SH3GL1: variants seen among roughly 807,000 people sequenced by gnomAD.
The protein encoded by SH3GL1 is SH3 domain containing GRB2 like 1, endophilin A2.
SH3GL1 carries 21 observed loss-of-function variants against 48.8 expected under a neutral mutation model. That is an observed-to-expected ratio of 0.43 (90% confidence interval 0.30 to 0.62). SH3GL1 has a LOEUF of 0.62. Ranked by LOEUF, SH3GL1 falls within the 20% of genes least tolerant of loss-of-function variation. The pLI is 0.11. For synonymous variants in SH3GL1, 282 were observed against 217.5 expected (o/e 1.30, Z -2.61); for missense variants, 454 against 503.0 (o/e 0.90, Z 0.93).
intron 1 of SH3GL1, among the ~76,000 whole-genome samples, chr19:4,392,031 C>A (rs796483714): frequency 4.6e-5 from 7 of 152,340 alleles, no homozygotes; most frequent in African/African-American, 1.7e-4. Flanking sequence ...CTGTTGCCAA[C>A]ACCTCCCCGA....
chr19:4,391,525 T>C (rs1287392400), intron 1 of SH3GL1, among the ~76,000 whole-genome samples: 1 of 152,182 alleles, frequency 6.6e-6, no homozygotes, highest in Non-Finnish European at 1.5e-5. Flanking sequence ...GGACCTACTG[T>C]ACAGCAGTCA....
At chr19:4,370,250 T>TGGTCCCAGCAGTCCATTCCTGCC (rs1473272756) in intron 1 of SH3GL1, among the ~76,000 whole-genome samples, 1 of 152,172 alleles carries the variant, frequency 6.6e-6, no homozygotes, top group Non-Finnish European at 1.5e-5. Context: ...ACTGAGGCCA[T>TGGTCCCAGCAGTCCATTCCTGCC]GGTCCCAGCA....
At chr19:4,392,294 G>C (rs1156705120) in intron 1 of SH3GL1, among the ~76,000 whole-genome samples, 1 of 151,702 alleles carries the variant, frequency 6.6e-6, no homozygotes, top group African/African-American at 2.4e-5. Flanking sequence ...TGGGAGGCAA[G>C]GCAGGGAGAT....
At chr19:4,378,584 G>A (rs537915872) in intron 1 of SH3GL1, among the ~76,000 whole-genome samples, 3 of 152,198 alleles carry the variant, frequency 2.0e-5, no homozygotes, top group Non-Finnish European at 2.9e-5. Flanking sequence ...GCATGGTGGT[G>A]CATGCCTGTA....
At chr19:4,369,118 C>T (rs930517380) in intron 1 of SH3GL1, among the ~76,000 whole-genome samples, 6 of 152,124 alleles carry the variant, frequency 3.9e-5, no homozygotes, top group Non-Finnish European at 5.9e-5. Context: ...ACACCCACCG[C>T]GGGAGGGCTG....
In SH3GL1 at chr19:4,367,127, C is replaced by A; in HGVS notation, c.46-133G>T. The A allele has an allele frequency of 1.2e-6, 1 of 828,084 alleles. No individual in the cohort carries two copies. The allele number at this position is 828,084 out of a possible 1,614,324, so 51.3% of individuals were successfully genotyped here. A position where few individuals can be genotyped will look rare whatever the true frequency, so the allele number is the denominator to read the frequency against. On this transcript the variant is annotated intron_variant, in intron 1 of 9. Coordinates refer to ENST00000269886, the MANE Select transcript of SH3GL1 (RefSeq NM_003025.4). The surrounding 1 kb of genome is among the most constrained non-coding windows in gnomAD (Gnocchi z 4.2). ...GGAGGCCAAGTGATCAGGACACACA[C>A]CTCAGGCACTGCCGTGGGCACCCCA...
chr19:4,381,156 T>C (rs939717042), intron 1 of SH3GL1, among the ~76,000 whole-genome samples: 4 of 117,160 alleles, frequency 3.4e-5, no homozygotes, highest in Non-Finnish European at 6.9e-5. Context: ...TTCCCCTGCC[T>C]CTGTCTCCCC....
chr19:4,375,198 G>A lies in SH3GL1; in HGVS notation c.46-8204C>T, dbSNP rs547716723. 7.9e-5 allele frequency among the ~76,000 whole-genome samples: 12 copies of A among 152,024 alleles called. No individual in the cohort carries two copies. In the East Asian group the frequency reaches 1.2e-3, roughly 15 times the overall value. ...CCCCACAGAGCTCCAGGACAACCCC[G>A]AGAGGAGTGGACAGAGCCAGCCGGG... On this transcript the variant is annotated intron_variant, in intron 1 of 9. Coordinates refer to ENST00000269886, the MANE Select transcript of SH3GL1 (RefSeq NM_003025.4).
At chr19:4,371,211 C>G (rs780677549) in intron 1 of SH3GL1, among the ~76,000 whole-genome samples, 3 of 152,238 alleles carry the variant, frequency 2.0e-5, no homozygotes, top group African/African-American at 4.8e-5. Context: ...ATGTGACACA[C>G]AGAACAGAGA....
intron 1 of SH3GL1, among the ~76,000 whole-genome samples, chr19:4,394,706 C>T (rs1192965002): frequency 2.6e-5 from 4 of 152,216 alleles, no homozygotes; most frequent in Non-Finnish European, 5.9e-5. Context: ...TTTTCCAGCA[C>T]TCTCTCCCGC....
intron 8 of SH3GL1, 78 bp downstream of exon 8, chr19:4,362,534 G>A (rs1237875488): frequency 3.1e-6 from 5 of 1,601,512 alleles, no homozygotes; most frequent in Middle Eastern, 3.6e-4. Context: ...GGCGCTCAGA[G>A]ACCCAGGACA....
At chr19:4,378,016 T>C (rs1329739278) in intron 1 of SH3GL1, among the ~76,000 whole-genome samples, 1 of 152,104 alleles carries the variant, frequency 6.6e-6, no homozygotes, top group Non-Finnish European at 1.5e-5. Context: ...CAGGCTCTCG[T>C]CGCCAACCCA....
Position 4,367,056 on chromosome 19 carries a change from GGCCCTGA to G in SH3GL1, c.46-69_46-63del. On this transcript the variant is annotated intron_variant, in intron 1 of 9. Transcript: ENST00000269886. The surrounding 1 kb of genome is among the most constrained non-coding windows in gnomAD (Gnocchi z 4.2). The stretch of plus-strand genomic sequence containing the variant: ...GGGTAGGAGGAAGAAGAGGACAGGA[GGCCCTGA>G]GCCGCCTTCCAGCCACATCGCATCC... The G allele has an allele frequency of 6.7e-7, 1 of 1,494,006 alleles. No individual in the cohort carries two copies. The highest frequency in any genetic ancestry group is 1.7e-5 in the Admixed American group (1 of 59,876). The allele number at this position is 1,494,006 out of a possible 1,614,324, so 92.5% of individuals were successfully genotyped here.
chr19:4,384,170 C>G (rs1973190862), intron 1 of SH3GL1, among the ~76,000 whole-genome samples: 2 of 152,198 alleles, frequency 1.3e-5, no homozygotes, highest in Non-Finnish European at 2.9e-5. Flanking sequence ...AATTTACAGG[C>G]TGGAGGGGAT....
rs60108906 is a variant in SH3GL1 at position 4,392,518 on chromosome 19, TCACACACACACACA to T, written c.45+7792_45+7805del. Among the ~76,000 whole-genome samples, 613 of 137,856 alleles carry T rather than the reference TCACACACACACACA, an allele frequency of 4.4e-3. 5 individuals are homozygous for T. Among genetic ancestry groups the T allele is most frequent in the Middle Eastern group, 0.011 (3 of 274 alleles). 90.4% of individuals were successfully genotyped at this position (137,856 alleles called of 152,430 possible). A position where few individuals can be genotyped will look rare whatever the true frequency, so the allele number is the denominator to read the frequency against. On this transcript the variant is annotated intron_variant, in intron 1 of 9. Transcript: ENST00000269886. ...CAGCCTGGGACAGAGCAAGACTCCGTCACACACACACACACACACACACACACACACACACACAC... is the reference window on the plus strand; with the variant it reads ...CAGCCTGGGACAGAGCAAGACTCCGTCACACACACACACACACACACACAC...
intron 1 of SH3GL1, chr19:4,380,232 G>A (rs1314707530): frequency 6.6e-6 from 1 of 152,414 alleles, no homozygotes; most frequent in African/African-American, 2.4e-5. Context: ...GCCACGGTCT[G>A]GAGCCATCAC....
chr19:4,361,641 G>A lies in SH3GL1; in HGVS notation c.1066C>T (p.Pro356Ser), dbSNP rs768255608. 2 of 1,609,404 alleles carry A rather than the reference G, an allele frequency of 1.2e-6. No homozygotes were observed. Residue 356 changes from proline to serine, a missense_variant, in exon 10 of 10, where the codon CCG becomes TCG. Pro to Ser is a moderately conservative substitution (Grantham distance 74, BLOSUM62 -1). Around this residue, in one of 2 missense-constraint regions of SH3GL1, gnomAD observed 278 missense variants for 246.8 expected, o/e 1.13. Coordinates refer to ENST00000269886, the MANE Select transcript of SH3GL1 (RefSeq NM_003025.4). ...GMLDGQSGFFPLSYVEVLVPL... is the reference protein window; with the variant it reads ...GMLDGQSGFFSLSYVEVLVPL... ...ACAAGCACCTCCACGTAGCTGAGCG[G>A]GAAGAAGCCCGACTGGCCGTCCAGC...
chr19:4,360,465 G>A lies in SH3GL1; in HGVS notation c.*1135C>T, dbSNP rs961220811. 3 of 235,126 alleles carry A rather than the reference G, an allele frequency of 1.3e-5. No individual in the cohort carries two copies. The highest frequency in any genetic ancestry group is 6.1e-5 in the East Asian group (1 of 16,520). 14.6% of individuals were successfully genotyped at this position (235,126 alleles called of 1,614,324 possible). A position where few individuals can be genotyped will look rare whatever the true frequency, so the allele number is the denominator to read the frequency against. On this transcript the variant is annotated 3_prime_UTR_variant, in exon 10 of 10. Coordinates refer to ENST00000269886, the MANE Select transcript of SH3GL1 (RefSeq NM_003025.4). ...CCCAAAGCTGTGTGCTCATCTCTGCGCCCCTCATGTACTTCTGACGAGGGG... is the reference window on the plus strand; with the variant it reads ...CCCAAAGCTGTGTGCTCATCTCTGCACCCCTCATGTACTTCTGACGAGGGG...
Position 4,361,378 on chromosome 19 carries a change from T to C in SH3GL1, c.*222A>G, listed in dbSNP as rs538169564. ...GGAGTGGGGAAGGGAGCCGTCACCG[T>C]TGGGAGTCAGCGCTAGTGTAAACAG... On this transcript the variant is annotated 3_prime_UTR_variant, in exon 10 of 10. Coordinates refer to ENST00000269886, the MANE Select transcript of SH3GL1 (RefSeq NM_003025.4). 12 of 553,482 alleles carry C rather than the reference T, an allele frequency of 2.2e-5. No homozygotes were observed. The South Asian group carries it at 2.3e-4, about 11-fold the overall frequency. 34.3% of individuals were successfully genotyped at this position (553,482 alleles called of 1,614,324 possible). A position where few individuals can be genotyped will look rare whatever the true frequency, so the allele number is the denominator to read the frequency against.
Sources: gnomAD v4.1 joint callset for allele counts (sites outside exome capture counted in the v4.1 genomes callset) on GRCh38, gnomAD v4.1.1 for gene constraint, gnomAD v4.1.1 regional missense constraint, Gnocchi (gnomAD v3.1) non-coding constraint, MANE v1.5 for transcripts, NCBI Gene and HGNC (gene_info 2026-07-23, HGNC 2026-07-21) for gene names.